The following ANGEL1 variants were observed in gnomAD, a reference collection of about 807,000 sequenced individuals.
The protein encoded by ANGEL1 is angel homolog 1, also known as RNA 2',3'-cyclic phosphatase ANGEL1.
Under a neutral mutation model 76.4 loss-of-function variants are expected in ANGEL1, and 62 were observed. The ratio of observed to expected loss-of-function variants is 0.81; its 90% CI spans 0.66 to 1.00. The LOEUF is 1.00. ANGEL1 is among the 50% of genes least tolerant of loss of function. The pLI is 0.00. For missense variants in ANGEL1, 737 were observed against 836.7 expected (o/e 0.88, Z 1.47); for synonymous variants, 340 against 331.7 (o/e 1.03, Z -0.27).
At position 76,809,151 on chromosome 14, in the gene ANGEL1, G is replaced by T. The variant is rs752539728; in HGVS notation, c.557C>A (p.Ala186Glu). The change falls in exon 2 of 10, where the codon GCA becomes GAA. Residue 186 changes from alanine to glutamate, a missense_variant. Transcript: ENST00000251089. ...EDPAVLAWSIAPEPVPQEEAS... is the reference protein window; with the variant it reads ...EDPAVLAWSIEPEPVPQEEAS... ...CTCTTCCTGGGGCACAGGCTCAGGT[G>T]CTATGCTCCAGGCCAACACCGCTGG... 6 of 1,614,158 alleles carry T rather than the reference G, an allele frequency of 3.7e-6. No individual in the cohort carries two copies. The South Asian group carries it at 5.5e-5, about 15-fold the overall frequency.
intron 9 of ANGEL1, 79 bp downstream of exon 9, chr14:76,790,532 A>T: frequency 1.3e-6 from 2 of 1,534,242 alleles, no homozygotes; most frequent in Admixed American, 2.0e-5. Flanking sequence ...AGCTGAAGAC[A>T]TGCTACCAAA....
intron 5 of ANGEL1, among the ~76,000 whole-genome samples, chr14:76,806,112 G>C (rs977369323): frequency 4.6e-5 from 7 of 152,208 alleles, no homozygotes; most frequent in African/African-American, 1.7e-4. Flanking sequence ...AATAGGGAAT[G>C]TGGGTAATAA....
chr14:76,798,298 T>A (rs1176055008), intron 7 of ANGEL1, among the ~76,000 whole-genome samples: 1 of 152,038 alleles, frequency 6.6e-6, no homozygotes, highest in Non-Finnish European at 1.5e-5. Context: ...CTAATCTTTT[T>A]GAATTTTCTG....
At position 76,787,243 on chromosome 14, in the gene ANGEL1, T is replaced by A. The variant is rs929341691; in HGVS notation, c.*1985A>T. 4.6e-5 allele frequency: 7 copies of A among 151,788 alleles called. No homozygotes were observed. Among genetic ancestry groups the A allele is most frequent in the African/African-American group, 1.5e-4 (6 of 41,334 alleles). 9.4% of individuals were successfully genotyped at this position (151,788 alleles called of 1,614,324 possible). The stretch of plus-strand genomic sequence containing the variant: ...CAGGATCCTAATAAAATGAACAACA[T>A]TGGGGGGAAAAAAGGTAAACCTTTA... On this transcript the variant is annotated 3_prime_UTR_variant, in exon 10 of 10. Coordinates refer to ENST00000251089, the MANE Select transcript of ANGEL1 (RefSeq NM_015305.4).
intron 7 of ANGEL1, among the ~76,000 whole-genome samples, chr14:76,800,687 T>A (rs1441721966): frequency 6.6e-6 from 1 of 152,164 alleles, no homozygotes; most frequent in South Asian, 2.1e-4. Context: ...AAGTCCGAAG[T>A]CTTCTGAGTG....
chr14:76,804,759 T>C (rs1175233103), intron 5 of ANGEL1, among the ~76,000 whole-genome samples: 1 of 152,164 alleles, frequency 6.6e-6, no homozygotes, highest in Non-Finnish European at 1.5e-5. Flanking sequence ...CCTGTAATCC[T>C]AGCACTTTGG....
chr14:76,789,436 C>A (rs1171645663), intron 9 of ANGEL1, 48 bp from the exon 10 acceptor site: 3 of 1,605,084 alleles, frequency 1.9e-6, no homozygotes, highest in Non-Finnish European at 2.6e-6. Flanking sequence ...CGCAGCCACA[C>A]TGCATGGGCA....
At position 76,809,287 on chromosome 14, in the gene ANGEL1, C is replaced by A. The variant is rs34270005; in HGVS notation, c.421G>T (p.Gly141Trp). The A allele has an allele frequency of 0.049, 78,724 of 1,613,846 alleles. 2,169 individuals carry two copies. Among genetic ancestry groups the A allele is most frequent in the Middle Eastern group, 0.079 (476 of 6,060 alleles). The part of the protein sequence containing the change: ...LGEEPLLEVE[G>W]VEGSMWAAIP... ...GCTGCCCACATGGAGCCCTCCACCC[C>A]CTCCACCTCCAGCAGTGGCTCCTCT... The change falls in exon 2 of 10, where the codon GGG (glycine) becomes TGG (tryptophan). Residue 141 changes from glycine (G) to tryptophan (W), a missense_variant. Gly to Trp is a radical substitution (Grantham distance 184, BLOSUM62 -2). Around this residue, in one of 2 missense-constraint regions of ANGEL1, gnomAD observed 441 missense variants for 449.5 expected, o/e 0.98. Coordinates refer to ENST00000251089, the MANE Select transcript of ANGEL1 (RefSeq NM_015305.4).
At position 76,806,416 on chromosome 14, in the gene ANGEL1, C is replaced by T. The variant is rs181032280; in HGVS notation, c.1380G>A (p.Lys460=). 1.2e-6 allele frequency: 2 copies of T among 1,608,214 alleles called. No homozygotes were observed. The highest frequency in any genetic ancestry group is 2.2e-5 in the East Asian group (1 of 44,712). ...CACACCGTGGCCTCTCCCATTTCAC[C>T]TTCCAGGCTGGCATCCCATGGTACT... ...ELQYHGMPAW[K]VSGQEDFSHQ... is the part of the protein sequence containing the mutation. The change falls in exon 5 of 10, where the codon AAG becomes AAA. Residue 460 remains lysine, a splice_region_variant and synonymous_variant. Coordinates refer to ENST00000251089, the MANE Select transcript of ANGEL1 (RefSeq NM_015305.4).
At chr14:76,810,982 T>G (rs1040440345) in intron 1 of ANGEL1, among the ~76,000 whole-genome samples, 3 of 152,228 alleles carry the variant, frequency 2.0e-5, no homozygotes, top group Admixed American at 1.3e-4. Flanking sequence ...TAAAAGTGGC[T>G]CAAATATTGA....
At position 76,788,493 on chromosome 14, in the gene ANGEL1, A is replaced by C. The variant is rs2242624; in HGVS notation, c.*735T>G. ...AGCTCTGGGTTGGAGGCACAGGGCC[A>C]GCTGGGACAGGTAGCGCATCCCCCA... On this transcript the variant is annotated 3_prime_UTR_variant, in exon 10 of 10. Transcript: ENST00000251089. 0.72 allele frequency: 109,852 copies of C among 152,274 alleles called. 39,980 individuals carry two copies. The highest frequency in any genetic ancestry group is 0.79 in the African/African-American group (32,890 of 41,520). The allele number at this position is 152,274 out of a possible 1,614,324, so 9.4% of individuals were successfully genotyped here.
chr14:76,796,413 A>G (rs186181450), intron 7 of ANGEL1, among the ~76,000 whole-genome samples: 2 of 151,682 alleles, frequency 1.3e-5, no homozygotes, highest in East Asian at 1.9e-4. Context: ...ACGCCAGGCT[A>G]ATTTTTCTAT....
At position 76,791,368 on chromosome 14, in the gene ANGEL1, TGCAGAG is replaced by T; in HGVS notation, c.1619-8_1619-3del. 1 of 1,613,990 alleles carries T rather than the reference TGCAGAG, an allele frequency of 6.2e-7. No individual in the cohort carries two copies. Among genetic ancestry groups the T allele is most frequent in the Non-Finnish European group, 8.5e-7 (1 of 1,179,916 alleles). On this transcript the variant is annotated splice_polypyrimidine_tract_variant and splice_region_variant and intron_variant, in intron 7 of 9. Coordinates refer to ENST00000251089, the MANE Select transcript of ANGEL1 (RefSeq NM_015305.4). The stretch of plus-strand genomic sequence containing the variant: ...ACTCAGCCCAACCCGCAGGTCGCTC[TGCAGAG>T]GACCAGAGAGAAAAACATTTTCTCA...
chr14:76,798,946 C>CA (rs58535403), intron 7 of ANGEL1, among the ~76,000 whole-genome samples: 15,226 of 73,056 alleles, frequency 0.21, 1,145 homozygotes, highest in East Asian at 0.39. Context: ...GACTCTGTCT[C>CA]AAAAAAAAAA....
rs1894323739 is a variant in ANGEL1, at chr14:76,789,177, T to C, written c.*51A>G. The C allele has an allele frequency of 1.2e-6, 2 of 1,603,934 alleles. No individual in the cohort carries two copies. Among genetic ancestry groups the C allele is most frequent in the Non-Finnish European group, 1.7e-6 (2 of 1,175,170 alleles). On this transcript the variant is annotated 3_prime_UTR_variant, in exon 10 of 10. Transcript: ENST00000251089. ...ATGCATGGGATTTTTCCACAGTCTC[T>C]GATCCAGTGAGCTCTTCTGGAAGAG...
At chr14:76,800,830 G>A (rs1390984201) in intron 7 of ANGEL1, among the ~76,000 whole-genome samples, 2 of 152,024 alleles carry the variant, frequency 1.3e-5, no homozygotes, top group African/African-American at 2.4e-5. Context: ...AAAATTAGCC[G>A]TGCATGCTGG....
Position 76,812,746 on chromosome 14 carries a change from G to C in ANGEL1, c.64+18C>G. ...AGCCCTGGCCGGGCTCCTGTCTGTC[G>C]GTACGCCTGGCCGGTACCTGAGAGG... On this transcript the variant is annotated intron_variant, in intron 1 of 9. Transcript: ENST00000251089. 6.6e-7 allele frequency: 1 copy of C among 1,509,512 alleles called. No homozygotes were observed. The allele number at this position is 1,509,512 out of a possible 1,614,324, so 93.5% of individuals were successfully genotyped here.
At chr14:76,795,516 A>C (rs528463125) in intron 7 of ANGEL1, among the ~76,000 whole-genome samples, 36 of 152,312 alleles carry the variant, frequency 2.4e-4, no homozygotes, top group African/African-American at 8.7e-4. Context: ...TACTTGTTTC[A>C]TAAAAATAAC....
chr14:76,811,517 G>T (rs1410968151), intron 1 of ANGEL1, among the ~76,000 whole-genome samples: 3 of 65,168 alleles, frequency 4.6e-5, no homozygotes, highest in African/African-American at 1.0e-4. Flanking sequence ...TAATGTGTAG[G>T]TGGGGGGGCG....
Sources: gnomAD v4.1 joint callset for allele counts (sites outside exome capture counted in the v4.1 genomes callset) on GRCh38, gnomAD v4.1.1 for gene constraint, gnomAD v4.1.1 regional missense constraint, MANE v1.5 for transcripts, NCBI Gene and HGNC (gene_info 2026-07-23, HGNC 2026-07-21) for gene names.